Variants in LARGE1 observed in about 807,000 individuals in gnomAD.
The protein encoded by LARGE1 is LARGE xylosyl- and glucuronyltransferase 1.
In LARGE1, 43 loss-of-function variants were observed where a neutral mutation model predicts 87.6. The observed-to-expected ratio is 0.49, with a 90% confidence interval of 0.38 to 0.63. LARGE1 has a LOEUF of 0.63. Among genes scored for constraint, LARGE1 ranks in the 30% least tolerant of loss-of-function variants. The pLI is 0.00. For missense variants in LARGE1, 802 were observed against 1,000.2 expected, an observed-to-expected ratio of 0.80 and a Z score of 2.67; for synonymous variants, 434 against 394.6, an observed-to-expected ratio of 1.10 and a Z score of -1.18.
intron 3 of LARGE1, among the ~76,000 whole-genome samples, chr22:33,646,145 C>T (rs2149163093): frequency 6.6e-6 from 1 of 152,262 alleles, no homozygotes; most frequent in Non-Finnish European, 1.5e-5. Context: ...CGTATGTTAA[C>T]TGCAGTGCTA....
At chr22:33,345,922 T>C (rs1318634621) in intron 9 of LARGE1, among the ~76,000 whole-genome samples, 5 of 152,152 alleles carry the variant, frequency 3.3e-5, no homozygotes, top group Non-Finnish European at 7.4e-5. Flanking sequence ...TGTGTGCAAA[T>C]GGCCAGGTGA....
the LARGE1 span, among the ~76,000 whole-genome samples, chr22:33,114,764 A>T: frequency 6.6e-6 from 1 of 152,250 alleles, no homozygotes; most frequent in Non-Finnish European, 1.5e-5. Context: ...CCTTATCTGC[A>T]AAATGAGGAT....
At chr22:33,771,702 A>G (rs144182363) in intron 1 of LARGE1, among the ~76,000 whole-genome samples, 157 of 152,232 alleles carry the variant, frequency 1.0e-3, no homozygotes, top group African/African-American at 3.5e-3. Context: ...CTCCAGGTCC[A>G]TGTGTACAAT....
rs115626391 is a variant in LARGE1 at position 33,773,566 on chromosome 22, A to C, written c.-82-12008T>G. On this transcript the variant is annotated intron_variant, in intron 1 of 14. Transcript: ENST00000397394. The stretch of plus-strand genomic sequence containing the variant: ...TCAAGACACATTAGTTGTCACCCGA[A>C]TTGTGCCCATCTTGTCTCTGTTATA... Among the ~76,000 whole-genome samples, 655 of 152,304 alleles carry C rather than the reference A, an allele frequency of 4.3e-3. 3 individuals are homozygous for C. The highest frequency in any genetic ancestry group is 0.014 in the African/African-American group (601 of 41,582).
intron 2 of LARGE1, among the ~76,000 whole-genome samples, chr22:33,713,649 T>C (rs2082810264): frequency 6.6e-6 from 1 of 152,112 alleles, no homozygotes; most frequent in African/African-American, 2.4e-5. Flanking sequence ...TTCCTTGATA[T>C]TCAGCATTTT....
In LARGE1 at chr22:33,696,714, G is replaced by C. The variant is rs571796658; in HGVS notation, c.107-46046C>G. 9.2e-5 allele frequency among the ~76,000 whole-genome samples: 14 copies of C among 151,838 alleles called. No homozygotes were observed. In the South Asian group the frequency reaches 2.9e-3, roughly 32 times the overall value. ...TAGCCATGCTGGTGGGTTTGAAATGGCATCTCATTGTGGTCTTTCCTGCTT... is the reference window on the plus strand; with the variant it reads ...TAGCCATGCTGGTGGGTTTGAAATGCCATCTCATTGTGGTCTTTCCTGCTT... On this transcript the variant is annotated intron_variant, in intron 2 of 14. Transcript: ENST00000397394.
At chr22:33,672,203 C>T (rs897005491) in intron 2 of LARGE1, among the ~76,000 whole-genome samples, 1 of 152,188 alleles carries the variant, frequency 6.6e-6, no homozygotes, top group Non-Finnish European at 1.5e-5. Flanking sequence ...CAGGTACCCA[C>T]GTGTCTCTCA....
intron 9 of LARGE1, among the ~76,000 whole-genome samples, chr22:33,367,713 C>T (rs1393299586): frequency 1.3e-5 from 2 of 152,180 alleles, no homozygotes; most frequent in Non-Finnish European, 2.9e-5. Context: ...AGGCATGAGT[C>T]ACCAGGCCCG....
intron 6 of LARGE1, among the ~76,000 whole-genome samples, chr22:33,479,249 C>T (rs543771287): frequency 6.6e-6 from 1 of 152,296 alleles, no homozygotes; most frequent in South Asian, 2.1e-4. Context: ...CTATTAGACC[C>T]TCTGCTCTTT....
intron 12 of LARGE1, among the ~76,000 whole-genome samples, chr22:33,297,712 C>G (rs1933512451): frequency 6.7e-6 from 1 of 150,208 alleles, no homozygotes; most frequent in South Asian, 2.1e-4. Flanking sequence ...GATGAGGATT[C>G]CTCACGCCTA....
intron 11 of LARGE1, among the ~76,000 whole-genome samples, chr22:33,231,859 C>T (rs1254533480): frequency 1.3e-5 from 2 of 152,210 alleles, no homozygotes; most frequent in Non-Finnish European, 2.9e-5. Context: ...GCTATTACTA[C>T]TATTACTACA....
chr22:33,815,688 C>T (rs936687188), intron 1 of LARGE1, among the ~76,000 whole-genome samples: 2 of 152,184 alleles, frequency 1.3e-5, no homozygotes, highest in Non-Finnish European at 2.9e-5. Flanking sequence ...AAGAGACTGC[C>T]TGGCCATGAG....
chr22:33,459,028 C>G lies in LARGE1; in HGVS notation c.788-26763G>C, dbSNP rs138173857. On this transcript the variant is annotated intron_variant, in intron 6 of 14. Coordinates refer to ENST00000397394, the MANE Select transcript of LARGE1 (RefSeq NM_133642.5). ...ACAAGTATTTTTTTTTTAATTTCTT[C>G]TAAAATAAAAAAAAGTGTGCAGAAC... is the stretch of plus-strand genomic sequence containing the variant. Among the ~76,000 whole-genome samples the G allele has an allele frequency of 6.0e-4, 90 of 151,076 alleles. No individual in the cohort carries two copies. The East Asian group carries it at 0.015, about 26-fold the overall frequency.
chr22:33,313,771 T>C (rs1935858225), intron 11 of LARGE1, among the ~76,000 whole-genome samples: 1 of 152,118 alleles, frequency 6.6e-6, no homozygotes, highest in South Asian at 2.1e-4. Flanking sequence ...TGGATGCCAA[T>C]CCCCAGATGA....
intron 2 of LARGE1, among the ~76,000 whole-genome samples, chr22:33,751,279 GAGACC>G (rs2084304933): frequency 6.6e-6 from 1 of 152,016 alleles, no homozygotes; most frequent in South Asian, 2.1e-4. Context: ...TCAGGAGTTC[GAGACC>G]AGCCTGGCCA....
chr22:33,068,416 T>G, the LARGE1 span, among the ~76,000 whole-genome samples: 1 of 151,852 alleles, frequency 6.6e-6, no homozygotes, highest in Non-Finnish European at 1.5e-5. Flanking sequence ...GAGGTCGAGG[T>G]GGGCAGATCA....
intron 2 of LARGE1, among the ~76,000 whole-genome samples, chr22:33,711,724 G>A (rs935145606): frequency 2.6e-5 from 4 of 152,218 alleles, no homozygotes; most frequent in Non-Finnish European, 5.9e-5. Context: ...ATAGCTCACT[G>A]CAGCCTCAAA....
chr22:33,835,538 A>C (rs1292684480), intron 1 of LARGE1, among the ~76,000 whole-genome samples: 1 of 152,238 alleles, frequency 6.6e-6, no homozygotes, highest in Non-Finnish European at 1.5e-5. Context: ...TGCCTAACAG[A>C]GACAGGTGAG....
At chr22:33,090,025 G>A in the LARGE1 span, among the ~76,000 whole-genome samples, 1 of 151,990 alleles carries the variant, frequency 6.6e-6, no homozygotes, top group Admixed American at 6.6e-5. Context: ...CAAGATGGTG[G>A]TGAAACCCCA....
Sources: gnomAD v4.1 joint callset for allele counts (sites outside exome capture counted in the v4.1 genomes callset) on GRCh38, gnomAD v4.1.1 for gene constraint, MANE v1.5 for transcripts, NCBI Gene and HGNC (gene_info 2026-07-23, HGNC 2026-07-21) for gene names.